Variants in ACO2 observed in about 807,000 individuals in gnomAD.
ACO2 encodes the protein aconitate hydratase, mitochondrial.
ACO2 carries 31 observed loss-of-function variants against 84.5 expected under a neutral mutation model. That is an observed-to-expected ratio of 0.37 (90% CI 0.28 to 0.50). The LOEUF (loss-of-function observed/expected upper bound fraction) is 0.50, where lower values mean the gene tolerates loss of function less well. Among genes scored for constraint, ACO2 ranks in the 20% least tolerant of loss-of-function variants. The pLI, the probability that ACO2 is intolerant of heterozygous loss-of-function variation, is 0.97. For synonymous variants in ACO2, 414 were observed against 412.7 expected (o/e 1.00, Z -0.04); for missense variants, 685 against 1,029.3 (o/e 0.67, Z 4.58).
At chr22:41,490,903 G>T (rs1166776047) in intron 1 of ACO2, among the ~76,000 whole-genome samples, 1 of 151,884 alleles carries the variant, frequency 6.6e-6, no homozygotes, top group African/African-American at 2.4e-5. Context: ...TCAGGCCGGG[G>T]GATTTTAGTT....
intron 1 of ACO2, among the ~76,000 whole-genome samples, chr22:41,480,999 C>G (rs1014302834): frequency 1.3e-5 from 2 of 152,040 alleles, no homozygotes; most frequent in Middle Eastern, 3.2e-3. Context: ...AGATGGGGGT[C>G]TCGCTTTGTT....
intron 1 of ACO2, among the ~76,000 whole-genome samples, chr22:41,482,749 C>T (rs971683229): frequency 6.6e-6 from 1 of 152,206 alleles, no homozygotes; most frequent in Non-Finnish European, 1.5e-5. Flanking sequence ...CTCCTTTCAT[C>T]CTCACTGCAG....
chr22:41,485,735 G>A (rs1043846917), intron 1 of ACO2, among the ~76,000 whole-genome samples: 2 of 151,448 alleles, frequency 1.3e-5, no homozygotes, highest in East Asian at 1.9e-4. Context: ...GAGCCACGGC[G>A]CTCGGCCCGC....
chr22:41,492,920 G>C (rs1199795522), intron 1 of ACO2, among the ~76,000 whole-genome samples: 1 of 152,146 alleles, frequency 6.6e-6, no homozygotes, highest in Non-Finnish European at 1.5e-5. Context: ...CTCCAACCTG[G>C]GCAACAAATG....
chr22:41,524,730 G>A lies in ACO2; in HGVS notation c.1483-116G>A, dbSNP rs192903315. 4.5e-3 allele frequency: 6,876 copies of A among 1,511,646 alleles called. 26 individuals are homozygous for A. Among genetic ancestry groups the A allele is most frequent in the Non-Finnish European group, 5.2e-3 (5,700 of 1,101,934 alleles). The allele number at this position is 1,511,646 out of a possible 1,614,324, so 93.6% of individuals were successfully genotyped here. A position where few individuals can be genotyped will look rare whatever the true frequency, so the allele number is the denominator to read the frequency against. On this transcript the variant is annotated intron_variant, in intron 12 of 17. Transcript: ENST00000216254. ...GCCTCTGAGGAACACAGGGGTCTGGGAAGAACATGGAAATTTCCTGGGTTC... is the reference window on the plus strand; with the variant it reads ...GCCTCTGAGGAACACAGGGGTCTGGAAAGAACATGGAAATTTCCTGGGTTC...
intron 7 of ACO2, among the ~76,000 whole-genome samples, chr22:41,518,256 T>TCCTTCACTTCCAG (rs2066491279): frequency 6.6e-6 from 1 of 152,252 alleles, no homozygotes; most frequent in Non-Finnish European, 1.5e-5. Flanking sequence ...TCCCCGGCTC[T>TCCTTCACTTCCAG]GAACCTTAGC....
intron 8 of ACO2, among the ~76,000 whole-genome samples, chr22:41,518,871 G>A (rs991340558): frequency 3.3e-5 from 5 of 152,094 alleles, no homozygotes; most frequent in African/African-American, 7.2e-5. Context: ...GCTTGAACCC[G>A]GGACGCAGAG....
Position 41,522,812 on chromosome 22 carries a change from C to T in ACO2, c.1139-18C>T, listed in dbSNP as rs1399498885. 2 of 1,613,472 alleles carry T rather than the reference C, an allele frequency of 1.2e-6. No individual in the cohort carries two copies. Among genetic ancestry groups the T allele is most frequent in the African/African-American group, 2.7e-5 (2 of 74,934 alleles). Reference sequence around the variant, plus strand: ...TGTCTCCTCCTGACCCTTAACCCCACCACCCACAATGCACCAGGTCTAATT... The same window carrying T: ...TGTCTCCTCCTGACCCTTAACCCCATCACCCACAATGCACCAGGTCTAATT... On this transcript the variant is annotated intron_variant, in intron 9 of 17. Coordinates refer to ENST00000216254, the MANE Select transcript of ACO2 (RefSeq NM_001098.3).
intron 1 of ACO2, among the ~76,000 whole-genome samples, chr22:41,494,837 A>G (rs371496043): frequency 2.1e-5 from 3 of 144,168 alleles, no homozygotes; most frequent in Admixed American, 6.9e-5. Flanking sequence ...GGGTTCAAGC[A>G]ATTCTCCTGC....
In ACO2 at chr22:41,508,460, C is replaced by T. The variant is rs184032092; in HGVS notation, c.432+411C>T. Among the ~76,000 whole-genome samples, 81 of 152,288 alleles carry T rather than the reference C, an allele frequency of 5.3e-4. 1 individual carries two copies. Among genetic ancestry groups the T allele is most frequent in the Middle Eastern group, 6.8e-3 (2 of 294 alleles). On this transcript the variant is annotated intron_variant, in intron 3 of 17. Coordinates refer to ENST00000216254, the MANE Select transcript of ACO2 (RefSeq NM_001098.3). ...CCTCTGACCCTCCAAGGACCCTCTCCGGGAGGTAGGCGTGCTAGGGTCACT... is the reference window on the plus strand; with the variant it reads ...CCTCTGACCCTCCAAGGACCCTCTCTGGGAGGTAGGCGTGCTAGGGTCACT...
chr22:41,524,044 G>A, intron 12 of ACO2, 103 bp downstream of exon 12: 1 of 994,540 alleles, frequency 1.0e-6, no homozygotes, highest in Non-Finnish European at 1.5e-6. Flanking sequence ...CATCCAAGTG[G>A]TAGCCAGGAG....
chr22:41,475,245 T>A (rs954569042), intron 1 of ACO2, among the ~76,000 whole-genome samples: 7 of 146,650 alleles, frequency 4.8e-5, no homozygotes, highest in African/African-American at 1.5e-4. Context: ...TAATTATAGC[T>A]CACTGCAGCC....
Position 41,528,548 on chromosome 22 carries a change from G to T in ACO2, c.2278G>T (p.Glu760Ter). Residue 760 changes from glutamate (E) to a stop codon, truncating the protein, a stop_gained, in exon 18 of 18, where the codon GAG becomes TAG. Transcript: ENST00000216254. LOFTEE classifies it high-confidence loss of function. Reference protein sequence around the residue: ...ETILLNHTFNETQIEWFRAGS... With the variant: ...ETILLNHTFN ...CATCCTCCTGAACCACACCTTCAAC[G>T]AGACGCAGATTGAGTGGTTCCGCGC... 2 of 1,613,182 alleles carry T rather than the reference G, an allele frequency of 1.2e-6. No homozygotes were observed. The highest frequency in any genetic ancestry group is 1.7e-6 in the Non-Finnish European group (2 of 1,180,024).
chr22:41,470,314 G>A (rs184468861), intron 1 of ACO2, among the ~76,000 whole-genome samples: 95 of 152,188 alleles, frequency 6.2e-4, no homozygotes, highest in Non-Finnish European at 1.2e-3. Context: ...AGAATTTTAC[G>A]AGTTGTTATG....
intron 15 of ACO2, 98 bp from the exon 16 acceptor site, chr22:41,527,185 AGGATG>A: frequency 6.4e-7 from 1 of 1,566,462 alleles, no homozygotes; most frequent in Non-Finnish European, 8.7e-7. Flanking sequence ...CGGGAGCCTC[AGGATG>A]CCCAGGCGCC....
chr22:41,476,407 T>TAAAAA, intron 1 of ACO2, among the ~76,000 whole-genome samples: 1 of 113,634 alleles, frequency 8.8e-6, no homozygotes, highest in African/African-American at 3.3e-5. Flanking sequence ...AACTCTGTCT[T>TAAAAA]AAAAAAAAAA....
rs778164364 is a variant in ACO2 at position 41,515,916 on chromosome 22, T to C, written c.834T>C (p.Thr278=). Residue 278 remains threonine (T), a splice_region_variant and synonymous_variant, in exon 6 of 18, where the codon ACT becomes ACC. Transcript: ENST00000216254. The surrounding 1 kb of genome is among the most constrained non-coding windows in gnomAD (Gnocchi z 5.8). Reference sequence around the variant, plus strand: ...CTGGTGTAGACTCCATCTCCTGCACTGGTGAGGAAGGCGGCCAGGCGACGT... The same window carrying C: ...CTGGTGTAGACTCCATCTCCTGCACCGGTGAGGAAGGCGGCCAGGCGACGT... ...HGPGVDSISC[T]GMATICNMGA... 4.3e-6 allele frequency: 7 copies of C among 1,613,786 alleles called. No individual in the cohort carries two copies. The highest frequency in any genetic ancestry group is 5.9e-6 in the Non-Finnish European group (7 of 1,179,848).
rs5758370 is a variant in ACO2, at chr22:41,474,744, G to A, written c.36+5562G>A. The stretch of plus-strand genomic sequence containing the variant: ...CTCCTGAGTAGCTGGAACTACAGGC[G>A]CCCGCTACCATGCCTGGCTAATTTT... On this transcript the variant is annotated intron_variant, in intron 1 of 17. Transcript: ENST00000216254. Among the ~76,000 whole-genome samples, 2,604 of 151,308 alleles carry A rather than the reference G, an allele frequency of 0.017. 571 individuals are homozygous for A. The East Asian group carries it at 0.46, about 26-fold the overall frequency.
chr22:41,521,417 C>A (rs2066525620), intron 9 of ACO2: 1 of 152,240 alleles, frequency 6.6e-6, no homozygotes. Context: ...ACCTAACAGC[C>A]ACTAACAGCT....
Sources: gnomAD v4.1 joint callset for allele counts (sites outside exome capture counted in the v4.1 genomes callset) on GRCh38, gnomAD v4.1.1 for gene constraint, Gnocchi (gnomAD v3.1) non-coding constraint, MANE v1.5 for transcripts, NCBI Gene and HGNC (gene_info 2026-07-23, HGNC 2026-07-21) for gene names.